Variants in DIP2C observed in about 807,000 individuals in gnomAD.
The protein encoded by DIP2C is DIP2 acetate--CoA ligase C (putative).
In DIP2C, 33 loss-of-function variants were observed where a neutral mutation model predicts 192.4. The ratio of observed to expected loss-of-function variants is 0.17; its 90% confidence interval spans 0.13 to 0.23. The LOEUF (loss-of-function observed/expected upper bound fraction) is 0.23. DIP2C is among the 10% of genes least tolerant of loss of function. The pLI is 1.00. For synonymous variants in DIP2C, 979 were observed against 864.1 expected (o/e 1.13, Z -2.33); for missense variants, 1,537 against 2,110.1 (o/e 0.73, Z 5.32).
chr10:445,633 TCTTGC>T (rs879728810), intron 3 of DIP2C, among the ~76,000 whole-genome samples: 23,611 of 149,914 alleles, frequency 0.16, 4,922 homozygotes, highest in African/African-American at 0.48. Context: ...GAAGAGTCTA[TCTTGC>T]ACTGGGCATC....
intron 1 of DIP2C, among the ~76,000 whole-genome samples, chr10:520,751 C>CA (rs1391179415): frequency 6.6e-6 from 1 of 152,202 alleles, no homozygotes; most frequent in African/African-American, 2.4e-5. Flanking sequence ...AGTTGGAAAC[C>CA]AAAAAATTCT....
At chr10:585,154 A>T (rs1850939667) in intron 1 of DIP2C, among the ~76,000 whole-genome samples, 1 of 152,194 alleles carries the variant, frequency 6.6e-6, no homozygotes, top group African/African-American at 2.4e-5. Flanking sequence ...CCCTCAACAC[A>T]AAACAAGCTT....
chr10:371,725 CA>C (rs1305018801), intron 17 of DIP2C, among the ~76,000 whole-genome samples: 4 of 151,432 alleles, frequency 2.6e-5, no homozygotes, highest in African/African-American at 7.3e-5. Flanking sequence ...AGCTGAGCAG[CA>C]CCCGAGGGAG....
intron 19 of DIP2C, 149 bp from the exon 20 acceptor site, chr10:364,731 G>C (rs1018796781): frequency 2.6e-5 from 22 of 841,048 alleles, no homozygotes; most frequent in Non-Finnish European, 3.9e-5. Flanking sequence ...CACAGTGACC[G>C]CTGGTGGCCA....
intron 2 of DIP2C, among the ~76,000 whole-genome samples, chr10:474,282 C>T (rs867127057): frequency 2.6e-5 from 4 of 152,160 alleles, no homozygotes; most frequent in South Asian, 2.1e-4. Context: ...CATCAGCGTC[C>T]GCAGTGTGCT....
chr10:462,918 CATG>C (rs1373762170), intron 3 of DIP2C, among the ~76,000 whole-genome samples: 4 of 152,138 alleles, frequency 2.6e-5, no homozygotes, highest in Non-Finnish European at 5.9e-5. Flanking sequence ...ACAAAAACCA[CATG>C]ATTATCCCAA....
intron 1 of DIP2C, among the ~76,000 whole-genome samples, chr10:572,030 G>A (rs371276039): frequency 6.6e-6 from 1 of 152,198 alleles, no homozygotes; most frequent in African/African-American, 2.4e-5. Flanking sequence ...AAAAATCACT[G>A]AATTCTGCCC....
At chr10:418,885 A>G (rs978508832) in intron 6 of DIP2C, among the ~76,000 whole-genome samples, 180 bp downstream of exon 6, 27 of 152,358 alleles carry the variant, frequency 1.8e-4, no homozygotes, top group African/African-American at 6.3e-4. Flanking sequence ...GCTCACTTGG[A>G]GAATATTTGC....
At chr10:353,889 A>G (rs1375068071) in intron 24 of DIP2C, among the ~76,000 whole-genome samples, 1 of 152,212 alleles carries the variant, frequency 6.6e-6, no homozygotes, top group African/African-American at 2.4e-5. Context: ...AAAATGCATG[A>G]TTCTGTATGT....
chr10:476,586 G>A (rs923656902), intron 2 of DIP2C, among the ~76,000 whole-genome samples: 4 of 152,194 alleles, frequency 2.6e-5, no homozygotes, highest in African/African-American at 7.2e-5. Flanking sequence ...GCGGCCCGGT[G>A]TCACCCTTGT....
At chr10:393,797 G>GA (rs1161399125) in intron 10 of DIP2C, among the ~76,000 whole-genome samples, 44 of 78,772 alleles carry the variant, frequency 5.6e-4, no homozygotes, top group South Asian at 2.1e-3. Flanking sequence ...AAAAAAAAAA[G>GA]AAAAAAAAAG....
At chr10:488,549 G>T (rs1321371151) in intron 1 of DIP2C, among the ~76,000 whole-genome samples, 2 of 152,152 alleles carry the variant, frequency 1.3e-5, no homozygotes, top group Non-Finnish European at 2.9e-5. Flanking sequence ...AGCTGGTGTG[G>T]TGCCCAGAGG....
Position 632,433 on chromosome 10 carries a change from C to T in DIP2C, c.85+57061G>A, listed in dbSNP as rs569844687. 1.1e-4 allele frequency among the ~76,000 whole-genome samples: 15 copies of T among 140,794 alleles called. No homozygotes were observed. In the East Asian group the frequency reaches 1.9e-3, roughly 18 times the overall value. The allele number at this position is 140,794 out of a possible 152,430, so 92.4% of individuals were successfully genotyped here. ...GCCAGCACCGTAACTGGAGACCATG[C>T]GGGCACCGGTGTGAACTCAGACCCG... On this transcript the variant is annotated intron_variant, in intron 1 of 36. Transcript: ENST00000280886.
chr10:288,124 A>G (rs1210401885), intron 33 of DIP2C, among the ~76,000 whole-genome samples: 2 of 152,246 alleles, frequency 1.3e-5, no homozygotes, highest in African/African-American at 4.8e-5. Context: ...GGCTGAAGGC[A>G]CCAGGGCCTC....
chr10:573,720 CTTTTCT>C (rs982107654), intron 1 of DIP2C, among the ~76,000 whole-genome samples: 4 of 151,764 alleles, frequency 2.6e-5, no homozygotes, highest in Non-Finnish European at 5.9e-5. Context: ...TTTTTTTCCT[CTTTTCT>C]TTTTAAGTGA....
intron 1 of DIP2C, among the ~76,000 whole-genome samples, chr10:489,313 T>C (rs567395473): frequency 2.0e-5 from 3 of 152,342 alleles, no homozygotes; most frequent in African/African-American, 7.2e-5. Context: ...CATGCCGTCC[T>C]TTATTTTGAA....
At chr10:580,601 A>C (rs1464664993) in intron 1 of DIP2C, among the ~76,000 whole-genome samples, 3 of 152,350 alleles carry the variant, frequency 2.0e-5, no homozygotes, top group Non-Finnish European at 2.9e-5. Context: ...TACATTGTAA[A>C]TACATGTACA....
At chr10:468,366 C>T (rs1970387652) in intron 3 of DIP2C, among the ~76,000 whole-genome samples, 1 of 152,134 alleles carries the variant, frequency 6.6e-6, no homozygotes, top group African/African-American at 2.4e-5. Flanking sequence ...AGGGGAGTTG[C>T]TCTGTGTTGG....
At chr10:497,081 G>T (rs546350593) in intron 1 of DIP2C, among the ~76,000 whole-genome samples, 1 of 152,112 alleles carries the variant, frequency 6.6e-6, no homozygotes, top group African/African-American at 2.4e-5. Context: ...CTGAGATCGT[G>T]CCACTGCACT....
Sources: allele counts gnomAD v4.1 joint callset (sites outside exome capture counted in the v4.1 genomes callset), GRCh38; gene constraint gnomAD v4.1.1; transcripts MANE v1.5; gene names NCBI Gene and HGNC (gene_info 2026-07-23, HGNC 2026-07-21).